Variants in ETV6 observed in about 807,000 individuals in gnomAD.
ETV6 encodes ETS variant transcription factor 6, also known as transcription factor ETV6.
A neutral mutation model predicts 51.1 loss-of-function variants in ETV6; 16 were observed. The ratio of observed to expected loss-of-function variants is 0.31; its 90% CI spans 0.21 to 0.48. ETV6 has a LOEUF of 0.48. Ranked by LOEUF, ETV6 falls within the 20% of genes least tolerant of loss-of-function variation. The pLI is 0.99. For missense variants in ETV6, 458 were observed against 594.8 expected (o/e 0.77, Z 2.39); for synonymous variants, 240 against 224.1 (o/e 1.07, Z -0.64).
chr12:11,869,749 A>G lies in ETV6; in HGVS notation c.789A>G (p.Thr263=). ...CATCCAGCCCCCGGCAGGAGAGCAC[A>G]CGCGTGATCCAGCTGATGCCCAGCC... ...PKPSSPRQES[T]RVIQLMPSPI... The change falls in exon 5 of 8, where the codon ACA becomes ACG. Residue 263 remains threonine (T), a synonymous_variant. Coordinates refer to ENST00000396373, the MANE Select transcript of ETV6 (RefSeq NM_001987.5). This position sits in a 1 kb window ranked among gnomAD's most constrained non-coding sequence, Gnocchi z 5.0. 6.2e-7 allele frequency: 1 copy of G among 1,613,660 alleles called. No homozygotes were observed. Among genetic ancestry groups the G allele is most frequent in the Admixed American group, 1.7e-5 (1 of 60,014 alleles).
intron 2 of ETV6, among the ~76,000 whole-genome samples, chr12:11,777,338 T>C (rs1945344391): frequency 6.6e-6 from 1 of 152,046 alleles, no homozygotes; most frequent in South Asian, 2.1e-4. Context: ...TCATCTCAAT[T>C]GTTTTTAATC....
At chr12:11,751,778 T>C in intron 1 of ETV6, 1 of 470,546 alleles carries the variant, frequency 2.1e-6, no homozygotes, top group Non-Finnish European at 4.2e-6. Flanking sequence ...GAAATATCGA[T>C]TCTGAGATGG....
Position 11,891,500 on chromosome 12 carries a change from C to G in ETV6, c.*454C>G. The stretch of plus-strand genomic sequence containing the variant: ...TGCAAATCTCACAAAGTGCGGCAAG[C>G]CCAGCTGGTCAGGAAAGAGAATACT... On this transcript the variant is annotated 3_prime_UTR_variant, in exon 8 of 8. Coordinates refer to ENST00000396373, the MANE Select transcript of ETV6 (RefSeq NM_001987.5). 2.0e-6 allele frequency: 1 copy of G among 504,560 alleles called. No homozygotes were observed. 31.3% of individuals were successfully genotyped at this position (504,560 alleles called of 1,614,324 possible).
intron 2 of ETV6, among the ~76,000 whole-genome samples, chr12:11,835,984 A>G (rs1333501946): frequency 6.6e-6 from 1 of 152,236 alleles, no homozygotes; most frequent in African/African-American, 2.4e-5. Context: ...TTGTGTGAGC[A>G]TGCAGTTGAA....
intron 5 of ETV6, among the ~76,000 whole-genome samples, chr12:11,871,258 G>A (rs1946877344): frequency 6.9e-6 from 1 of 145,898 alleles, no homozygotes; most frequent in Non-Finnish European, 1.5e-5. Flanking sequence ...ACGGAATCTC[G>A]GCTCACTGCA....
intron 2 of ETV6, among the ~76,000 whole-genome samples, chr12:11,778,883 A>G (rs1945372811): frequency 6.6e-6 from 1 of 152,246 alleles, no homozygotes; most frequent in African/African-American, 2.4e-5. Context: ...TGATTGCTCA[A>G]GTGATACAGC....
At chr12:11,802,160 T>C (rs1945759850) in intron 2 of ETV6, among the ~76,000 whole-genome samples, 1 of 152,216 alleles carries the variant, frequency 6.6e-6, no homozygotes, top group African/African-American at 2.4e-5. Flanking sequence ...AGGGCTCTGC[T>C]GCTGAGAGGA....
intron 1 of ETV6, among the ~76,000 whole-genome samples, chr12:11,719,309 T>C (rs1865338313): frequency 6.6e-6 from 1 of 152,258 alleles, no homozygotes; most frequent in Non-Finnish European, 1.5e-5. Context: ...CCCCAAGTTA[T>C]CTCACAGTCC....
At chr12:11,696,827 A>G (rs532055870) in intron 1 of ETV6, among the ~76,000 whole-genome samples, 1 of 152,304 alleles carries the variant, frequency 6.6e-6, no homozygotes, top group South Asian at 2.1e-4. Flanking sequence ...CAAAAAAATA[A>G]TAATAAAAAT....
At chr12:11,734,489 C>T (rs1158183786) in intron 1 of ETV6, among the ~76,000 whole-genome samples, 1 of 149,306 alleles carries the variant, frequency 6.7e-6, no homozygotes, top group African/African-American at 2.5e-5. Flanking sequence ...CACCTGTGGT[C>T]CCAGCTACCT....
chr12:11,678,965 A>C (rs1864474163), intron 1 of ETV6, among the ~76,000 whole-genome samples: 1 of 152,114 alleles, frequency 6.6e-6, no homozygotes. Flanking sequence ...GGGGAGGGAG[A>C]CTGCTTTACT....
chr12:11,821,989 C>T (rs1360284409), intron 2 of ETV6, among the ~76,000 whole-genome samples: 1 of 152,240 alleles, frequency 6.6e-6, no homozygotes, highest in Admixed American at 6.5e-5. Flanking sequence ...TGTGTGCAGG[C>T]CTTGCATCCG....
rs374671574 is a variant in ETV6 at position 11,713,996 on chromosome 12, T to C, written c.34-38454T>C. 1.1e-4 allele frequency among the ~76,000 whole-genome samples: 17 copies of C among 152,336 alleles called. No homozygotes were observed. In the East Asian group the frequency reaches 3.1e-3, roughly 28 times the overall value. On this transcript the variant is annotated intron_variant, in intron 1 of 7. Coordinates refer to ENST00000396373, the MANE Select transcript of ETV6 (RefSeq NM_001987.5). Reference sequence around the variant, plus strand: ...CTGGTGGCATCAGCATCACCTTTATTTGAAAGCTGAGTCCAATTCTTCTCT... The same window carrying C: ...CTGGTGGCATCAGCATCACCTTTATCTGAAAGCTGAGTCCAATTCTTCTCT...
chr12:11,752,424 C>T, intron 1 of ETV6, 26 bp from the exon 2 acceptor site: 1 of 1,599,090 alleles, frequency 6.3e-7, no homozygotes, highest in East Asian at 2.2e-5. Flanking sequence ...CTCCCCCTCC[C>T]CTCTTCCTGC....
intron 2 of ETV6, among the ~76,000 whole-genome samples, chr12:11,807,566 G>A (rs1051954440): frequency 1.3e-5 from 2 of 152,184 alleles, no homozygotes; most frequent in Non-Finnish European, 2.9e-5. Context: ...TTCTGAGCCT[G>A]TTGAAAAGTG....
chr12:11,814,755 C>G (rs1252457655), intron 2 of ETV6, among the ~76,000 whole-genome samples: 2 of 152,106 alleles, frequency 1.3e-5, no homozygotes, highest in Non-Finnish European at 2.9e-5. Flanking sequence ...GAGGCTTTCA[C>G]CAAGAAATTA....
At chr12:11,655,738 C>G (rs1863987935) in intron 1 of ETV6, among the ~76,000 whole-genome samples, 2 of 152,324 alleles carry the variant, frequency 1.3e-5, no homozygotes, top group Middle Eastern at 3.4e-3. Context: ...AGAGTTCAGC[C>G]TGGTCGTTGT....
intron 1 of ETV6, chr12:11,716,559 A>G (rs1380962139): frequency 6.6e-6 from 1 of 152,154 alleles, no homozygotes; most frequent in African/African-American, 2.4e-5. Context: ...GAGCAGGATT[A>G]GTTCCTTTCT....
At chr12:11,777,101 G>A (rs560704477) in intron 2 of ETV6, among the ~76,000 whole-genome samples, 13 of 152,158 alleles carry the variant, frequency 8.5e-5, no homozygotes, top group South Asian at 8.3e-4. Flanking sequence ...TTAGCCAGGC[G>A]TGGTGGCAGG....
Sources: gnomAD v4.1 joint callset for allele counts (sites outside exome capture counted in the v4.1 genomes callset) on GRCh38, gnomAD v4.1.1 for gene constraint, Gnocchi (gnomAD v3.1) non-coding constraint, MANE v1.5 for transcripts, NCBI Gene and HGNC (gene_info 2026-07-23, HGNC 2026-07-21) for gene names.